The following PCDH9 variants were observed in gnomAD, a reference collection of about 807,000 sequenced individuals.
PCDH9 encodes the protein protocadherin-9.
A neutral mutation model predicts 70.6 loss-of-function variants in PCDH9; 24 were observed. The ratio of observed to expected loss-of-function variants is 0.34; its 90% CI spans 0.25 to 0.48. PCDH9 has a LOEUF of 0.48. PCDH9 is among the 20% of genes least tolerant of loss of function. The probability of loss-of-function intolerance (pLI) is 0.99; values close to 1 mark genes in which losing one functional copy is unlikely to be tolerated. For missense variants in PCDH9, 1,281 were observed against 1,503.6 expected (o/e 0.85, Z 2.45); for synonymous variants, 562 against 558.5 (o/e 1.01, Z -0.09).
intron 2 of PCDH9, among the ~76,000 whole-genome samples, chr13:67,011,749 T>G (rs1376437589): frequency 1.3e-5 from 2 of 151,946 alleles, no homozygotes; most frequent in Non-Finnish European, 2.9e-5. Flanking sequence ...AGCTGAATAT[T>G]GTAGGCTGCT....
chr13:66,544,124 G>A (rs28579414), intron 4 of PCDH9, among the ~76,000 whole-genome samples: 1,965 of 152,194 alleles, frequency 0.013, 37 homozygotes, highest in African/African-American at 0.045. Context: ...CAGGACCTTT[G>A]ATGCCTTATT....
In PCDH9 at chr13:67,226,260, C is replaced by A. The variant is rs754579418; in HGVS notation, c.2181G>T (p.Arg727=). 2.0e-5 allele frequency: 32 copies of A among 1,614,110 alleles called. No individual in the cohort carries two copies. The highest frequency in any genetic ancestry group is 6.7e-5 in the Admixed American group (4 of 60,024). Residue 727 remains arginine, a synonymous_variant, in exon 2 of 5, where the codon CGG becomes CGT. Coordinates refer to ENST00000377865, the MANE Select transcript of PCDH9 (RefSeq NM_203487.3). The surrounding 1 kb of genome is among the most constrained non-coding windows in gnomAD (Gnocchi z 5.0). The part of the protein sequence containing the change: ...IVSGNNKGLF[R]IDPVTGNITL... ...TAATGTTACCTGTTACTGGATCAAT[C>A]CGGAATAAGCCTTTATTGTTTCCAC...
chr13:66,352,426 C>G (rs1052693913), intron 4 of PCDH9, among the ~76,000 whole-genome samples: 10 of 152,084 alleles, frequency 6.6e-5, no homozygotes, highest in Non-Finnish European at 1.5e-4. Flanking sequence ...TATTGCATAG[C>G]TCTGGAGGCT....
intron 2 of PCDH9, among the ~76,000 whole-genome samples, chr13:66,925,619 ATTCT>A (rs67151226): frequency 0.22 from 33,785 of 151,624 alleles, 4,026 homozygotes; most frequent in East Asian, 0.29. Flanking sequence ...GATTTTGTAC[ATTCT>A]TTCTTTATTC....
chr13:66,561,329 G>T (rs1038079771), intron 4 of PCDH9, among the ~76,000 whole-genome samples: 1 of 152,150 alleles, frequency 6.6e-6, no homozygotes, highest in African/African-American at 2.4e-5. Flanking sequence ...CTCCTGTGCC[G>T]CCCGAGCCTC....
At chr13:66,345,566 G>A (rs920025554) in intron 4 of PCDH9, among the ~76,000 whole-genome samples, 2 of 152,038 alleles carry the variant, frequency 1.3e-5, no homozygotes, top group African/African-American at 2.4e-5. Flanking sequence ...AGATGAAGGC[G>A]GCATGCTGAT....
rs2088892578 is a variant in PCDH9, at chr13:67,190,885, C to T, written c.3036+34520G>A. ...TCTAAAAATGTCAGATGAAAGCACA[C>T]TTTTCATTTGACCTTCTTATTGATA... is the stretch of plus-strand genomic sequence containing the variant. On this transcript the variant is annotated intron_variant, in intron 2 of 4. Coordinates refer to ENST00000377865, the MANE Select transcript of PCDH9 (RefSeq NM_203487.3). Among the ~76,000 whole-genome samples, 4 of 152,050 alleles carry T rather than the reference C, an allele frequency of 2.6e-5. No individual in the cohort carries two copies. The South Asian group carries it at 8.3e-4, about 31-fold the overall frequency.
chr13:67,036,367 C>T (rs1025020904), intron 2 of PCDH9, among the ~76,000 whole-genome samples: 2 of 152,154 alleles, frequency 1.3e-5, no homozygotes, highest in Non-Finnish European at 2.9e-5. Flanking sequence ...AAGCTCTAAA[C>T]CCACTAATCT....
chr13:66,382,892 C>T (rs915687742), intron 4 of PCDH9, among the ~76,000 whole-genome samples: 12 of 152,056 alleles, frequency 7.9e-5, no homozygotes, highest in Non-Finnish European at 1.6e-4. Flanking sequence ...ATCAGCCAGG[C>T]GTGGTGGCGC....
Position 66,827,611 on chromosome 13 carries a change from A to G in PCDH9, c.3138+75893T>C, listed in dbSNP as rs148560726. Reference sequence around the variant, plus strand: ...GGCAGGACTTGTTGATGGTTAGGATATATGGAGTGAAGAAGAAAGCCTTCC... The same window carrying G: ...GGCAGGACTTGTTGATGGTTAGGATGTATGGAGTGAAGAAGAAAGCCTTCC... On this transcript the variant is annotated intron_variant, in intron 3 of 4. Transcript: ENST00000377865. Among the ~76,000 whole-genome samples, 6 of 152,286 alleles carry G rather than the reference A, an allele frequency of 3.9e-5. No individual in the cohort carries two copies. In the East Asian group the frequency reaches 1.2e-3, roughly 29 times the overall value.
intron 4 of PCDH9, among the ~76,000 whole-genome samples, chr13:66,522,718 C>T (rs1459938101): frequency 2.0e-5 from 3 of 151,888 alleles, no homozygotes; most frequent in Non-Finnish European, 4.4e-5. Flanking sequence ...AGTCATGCAG[C>T]CACAAGCTAA....
At chr13:66,690,128 T>G (rs370758821) in intron 3 of PCDH9, among the ~76,000 whole-genome samples, 5 of 152,306 alleles carry the variant, frequency 3.3e-5, no homozygotes, top group African/African-American at 1.2e-4. Flanking sequence ...GAAATAAGCA[T>G]TATGTATTAT....
chr13:66,315,025 T>G lies in PCDH9; in HGVS notation c.3341-9997A>C, dbSNP rs1955626232. ...AGCTGGTGGCAGGTGGGAGTCCAGA[T>G]TCCAAGGACGGGAAGGATTCAATTG... On this transcript the variant is annotated intron_variant, in intron 4 of 4. Coordinates refer to ENST00000377865, the MANE Select transcript of PCDH9 (RefSeq NM_203487.3). Among the ~76,000 whole-genome samples the G allele has an allele frequency of 2.6e-5, 4 of 152,156 alleles. No homozygotes were observed. In the South Asian group the frequency reaches 8.3e-4, roughly 32 times the overall value.
At chr13:66,621,665 TAAATTTTTATTAATCTAG>T in intron 4 of PCDH9, among the ~76,000 whole-genome samples, 1 of 152,324 alleles carries the variant, frequency 6.6e-6, no homozygotes, top group East Asian at 1.9e-4. Context: ...TCCTAAGATC[TAAATTTTTATTAATCTAG>T]TACCAAAGAC....
intron 3 of PCDH9, among the ~76,000 whole-genome samples, chr13:66,717,451 C>CAAAAAAA (rs1246391058): frequency 1.4e-4 from 7 of 50,456 alleles, no homozygotes; most frequent in African/African-American, 6.5e-4. Context: ...GACTCTGTCT[C>CAAAAAAA]AAAAAAAAAA....
At chr13:66,723,076 A>T (rs1209130937) in intron 3 of PCDH9, among the ~76,000 whole-genome samples, 2 of 152,004 alleles carry the variant, frequency 1.3e-5, no homozygotes, top group East Asian at 3.9e-4. Flanking sequence ...ATACATTCTC[A>T]TAATATAATA....
intron 3 of PCDH9, among the ~76,000 whole-genome samples, chr13:66,814,517 A>G (rs988134627): frequency 1.3e-5 from 2 of 152,164 alleles, no homozygotes; most frequent in Non-Finnish European, 2.9e-5. Context: ...TAGTATAATA[A>G]TAGAAGCCTT....
intron 4 of PCDH9, among the ~76,000 whole-genome samples, chr13:66,432,955 A>G (rs1957800080): frequency 1.3e-5 from 2 of 152,080 alleles, no homozygotes; most frequent in Middle Eastern, 6.8e-3. Flanking sequence ...TGCCCTAAGG[A>G]ATATATTTAA....
At chr13:66,972,422 A>G (rs1456616672) in intron 2 of PCDH9, among the ~76,000 whole-genome samples, 1 of 151,896 alleles carries the variant, frequency 6.6e-6, no homozygotes, top group Non-Finnish European at 1.5e-5. Context: ...ATACCGCCCT[A>G]TTTTTTGATG....
Sources: gnomAD v4.1 joint callset for allele counts (sites outside exome capture counted in the v4.1 genomes callset) on GRCh38, gnomAD v4.1.1 for gene constraint, Gnocchi (gnomAD v3.1) non-coding constraint, MANE v1.5 for transcripts, NCBI Gene and HGNC (gene_info 2026-07-23, HGNC 2026-07-21) for gene names.